Variants in GRIN1 observed in about 807,000 individuals in gnomAD.
GRIN1 encodes the protein glutamate ionotropic receptor NMDA type subunit 1.
Under a neutral mutation model 103.0 loss-of-function variants are expected in GRIN1, and 38 were observed. The ratio of observed to expected loss-of-function variants is 0.37; its 90% CI spans 0.28 to 0.48. The LOEUF (loss-of-function observed/expected upper bound fraction) is 0.48, where lower values mean the gene tolerates loss of function less well. Among genes scored for constraint, GRIN1 ranks in the 20% least tolerant of loss-of-function variants. The pLI is 0.98. For missense variants in GRIN1, 577 were observed against 1,288.9 expected (o/e 0.45, Z 8.46); for synonymous variants, 544 against 532.7 (o/e 1.02, Z -0.29).
Position 137,163,184 on chromosome 9 carries a change from C to T in GRIN1, c.2187C>T (p.Phe729=). ...QAVRDNKLHA[F]IWDSAVLEFE... ...CTGCCGGCAGCAAGCTGCATGCCTT[C>T]ATCTGGGACTCGGCGGTGCTGGAGT... The change falls in exon 16 of 20, where the codon TTC becomes TTT. Residue 729 remains phenylalanine (F), a synonymous_variant. Coordinates refer to ENST00000371561, the MANE Select transcript of GRIN1 (RefSeq NM_007327.4). 8 of 1,613,434 alleles carry T rather than the reference C, an allele frequency of 5.0e-6. No homozygotes were observed. Among genetic ancestry groups the T allele is most frequent in the Non-Finnish European group, 6.8e-6 (8 of 1,179,912 alleles).
chr9:137,161,464 G>A (rs1397145959), intron 10 of GRIN1, 48 bp downstream of exon 10: 2 of 1,580,806 alleles, frequency 1.3e-6, no homozygotes, highest in South Asian at 1.1e-5. Context: ...GGGCCTGCAG[G>A]CGCGGTCGGA....
intron 8 of GRIN1, 108 bp from the exon 9 acceptor site, chr9:137,160,948 C>T: frequency 1.5e-6 from 2 of 1,376,442 alleles, no homozygotes; most frequent in Non-Finnish European, 2.0e-6. Context: ...GTGAGGGGTG[C>T]GTCGGGGATT....
chr9:137,155,632 A>T (rs1833173973), intron 4 of GRIN1, among the ~76,000 whole-genome samples: 1 of 152,128 alleles, frequency 6.6e-6, no homozygotes, highest in African/African-American at 2.4e-5. Flanking sequence ...CCACCTGGAG[A>T]CAGGTCAGGC....
At chr9:137,165,467 C>A in intron 19 of GRIN1, 171 bp downstream of exon 19, 1 of 655,106 alleles carries the variant, frequency 1.5e-6, no homozygotes, top group South Asian at 1.6e-5. Context: ...CTCTCACTCT[C>A]TGGACCTTTC....
chr9:137,151,051 A>AG (rs1379949653), intron 4 of GRIN1, among the ~76,000 whole-genome samples: 1 of 145,300 alleles, frequency 6.9e-6, no homozygotes, highest in Non-Finnish European at 1.5e-5. Flanking sequence ...GCCCAGAAAA[A>AG]GTCCCGCCCA....
intron 4 of GRIN1, among the ~76,000 whole-genome samples, 159 bp downstream of exon 4, chr9:137,149,268 A>C (rs1588701323): frequency 6.9e-6 from 1 of 143,970 alleles, no homozygotes; most frequent in African/African-American, 2.6e-5. Flanking sequence ...CCGCACCCAC[A>C]CTCCTATCGG....
In GRIN1 at chr9:137,158,675, C is replaced by G. The variant is rs927186701; in HGVS notation, c.1168C>G (p.Arg390Gly). The change falls in exon 8 of 20, where the codon CGA becomes GGA. Residue 390 changes from arginine (R) to glycine (G), a missense_variant. Arg to Gly is a moderately radical substitution (Grantham distance 125). Around this residue, in one of 9 missense-constraint regions of GRIN1, gnomAD observed 308 missense variants for 553.6 expected, o/e 0.56. Coordinates refer to ENST00000371561, the MANE Select transcript of GRIN1 (RefSeq NM_007327.4). ...IWPGGETEKPRGYQMSTRLKI... is the reference protein window; with the variant it reads ...IWPGGETEKPGGYQMSTRLKI... The stretch of plus-strand genomic sequence containing the variant: ...GCCAGGCGGAGAGACAGAGAAGCCT[C>G]GAGGGTACCAGATGTCCACCAGACT... The G allele has an allele frequency of 9.9e-6, 16 of 1,612,750 alleles. No individual in the cohort carries two copies. The highest frequency in any genetic ancestry group is 1.2e-5 in the Non-Finnish European group (14 of 1,179,954).
chr9:137,164,529 G>A (rs1331455066), intron 18 of GRIN1: 5 of 177,066 alleles, frequency 2.8e-5, no homozygotes, highest in Admixed American at 5.4e-5. Context: ...TCTGGGTGCC[G>A]TCCTGGAGCC....
At chr9:137,151,761 G>A (rs1028479753) in intron 4 of GRIN1, among the ~76,000 whole-genome samples, 18 of 152,314 alleles carry the variant, frequency 1.2e-4, no homozygotes, top group Middle Eastern at 3.4e-3. Flanking sequence ...TGCCTCCTGG[G>A]TTCAAGCGAT....
intron 8 of GRIN1, among the ~76,000 whole-genome samples, chr9:137,160,752 C>T (rs547595581): frequency 3.9e-5 from 6 of 152,324 alleles, no homozygotes; most frequent in Non-Finnish European, 7.4e-5. Context: ...TAAGCCAAGA[C>T]TGGAGAAAAA....
chr9:137,161,384 GT>G lies in GRIN1; in HGVS notation c.1436del (p.Val479GlyfsTer12). 1.9e-6 allele frequency: 3 copies of G among 1,612,482 alleles called. No individual in the cohort carries two copies. Among genetic ancestry groups the G allele is most frequent in the Non-Finnish European group, 2.5e-6 (3 of 1,179,774 alleles). ...TMNFTYEVHL[V>X]ADGKFGTQER... ...GAACTTCACCTACGAGGTGCACCTG[GT>G]GGCAGATGGCAAGTTCGGCACACAG... On this transcript the variant is annotated frameshift_variant, in exon 10 of 20. Transcript: ENST00000371561. LOFTEE classifies it high-confidence loss of function.
intron 12 of GRIN1, 45 bp downstream of exon 12, chr9:137,162,335 G>GGTT (rs1428930734): frequency 6.4e-7 from 1 of 1,551,280 alleles, no homozygotes; most frequent in Admixed American, 1.9e-5. Context: ...GCGGGGCGCG[G>GGTT]AGCCGGCCAG....
rs538806116 is a variant in GRIN1 at position 137,145,644 on chromosome 9, G to T, written c.394-82G>T. The T allele has an allele frequency of 6.3e-5, 75 of 1,187,004 alleles. No individual in the cohort carries two copies. In the Middle Eastern group the frequency reaches 8.2e-4, roughly 13 times the overall value. The allele number at this position is 1,187,004 out of a possible 1,614,324, so 73.5% of individuals were successfully genotyped here. A position where few individuals can be genotyped will look rare whatever the true frequency, so the allele number is the denominator to read the frequency against. ...AGGAGGGGGGTTCCCAGCCTCCGGC[G>T]GGTGTTCCGGCAGTGGGAGGCGGGT... On this transcript the variant is annotated intron_variant, in intron 2 of 19. Transcript: ENST00000371561.
At chr9:137,160,334 A>G (rs1833462195) in intron 8 of GRIN1, among the ~76,000 whole-genome samples, 1 of 152,138 alleles carries the variant, frequency 6.6e-6, no homozygotes, top group South Asian at 2.1e-4. Context: ...CTCGTGGCAC[A>G]GCAGGGTGGG....
At chr9:137,156,613 G>T in intron 4 of GRIN1, 56 bp from the exon 5 acceptor site, 1 of 1,577,850 alleles carries the variant, frequency 6.3e-7, no homozygotes, top group South Asian at 1.2e-5. Context: ...TGGGCCTGCG[G>T]AGCGCCGCGG....
At chr9:137,147,086 C>T (rs1832585464) in intron 3 of GRIN1, among the ~76,000 whole-genome samples, 2 of 151,092 alleles carry the variant, frequency 1.3e-5, no homozygotes, top group Admixed American at 6.6e-5. Context: ...GCTCGACAGG[C>T]CCCTCACCTT....
In GRIN1 at chr9:137,148,123, A is replaced by G. The variant is rs964637397; in HGVS notation, c.571-886A>G. 5.0e-6 allele frequency: 7 copies of G among 1,402,528 alleles called. No individual in the cohort carries two copies. In the Admixed American group the frequency reaches 7.9e-5, roughly 16 times the overall value. The allele number at this position is 1,402,528 out of a possible 1,614,324, so 86.9% of individuals were successfully genotyped here. On this transcript the variant is annotated intron_variant, in intron 3 of 19. Coordinates refer to ENST00000371561, the MANE Select transcript of GRIN1 (RefSeq NM_007327.4). The stretch of plus-strand genomic sequence containing the variant: ...GTTTATAATCTTCTTCTGTGTCTGC[A>G]TATTTTCTCTGTGCACATTATTCAT...
At chr9:137,140,404 G>T (rs1054036646) in intron 1 of GRIN1, among the ~76,000 whole-genome samples, 2 of 152,248 alleles carry the variant, frequency 1.3e-5, no homozygotes, top group African/African-American at 4.8e-5. Context: ...GATCTGCAAT[G>T]CAGCCCTTTA....
rs1173180540 is a variant in GRIN1 at position 137,156,867 on chromosome 9, C to T, written c.798C>T (p.Ile266=). ...GNALRYAPDG[I]LGLQLINGKN... ...CTGAGTCGCATGCTCGCCTAGGCAT[C>T]CTCGGGCTGCAGCTCATCAACGGCA... Residue 266 remains isoleucine (I), a synonymous_variant, in exon 6 of 20, where the codon ATC becomes ATT. Transcript: ENST00000371561. 1 of 1,611,268 alleles carries T rather than the reference C, an allele frequency of 6.2e-7. No homozygotes were observed. Among genetic ancestry groups the T allele is most frequent in the Non-Finnish European group, 8.5e-7 (1 of 1,179,410 alleles).
Sources: allele counts gnomAD v4.1 joint callset (sites outside exome capture counted in the v4.1 genomes callset), GRCh38; gene constraint gnomAD v4.1.1; regional missense constraint gnomAD v4.1.1; transcripts MANE v1.5; gene names NCBI Gene and HGNC (gene_info 2026-07-23, HGNC 2026-07-21).